Variants in PCDHA1 observed in about 807,000 individuals in gnomAD.
The protein encoded by PCDHA1 is protocadherin alpha 1.
PCDHA1 carries 42 observed loss-of-function variants against 61.3 expected under a neutral mutation model. The ratio of observed to expected loss-of-function variants is 0.69; its 90% confidence interval spans 0.54 to 0.89. The LOEUF (loss-of-function observed/expected upper bound fraction) is 0.89. PCDHA1 is among the 40% of genes least tolerant of loss of function. The probability of loss-of-function intolerance (pLI) is 0.00; values close to 1 mark genes in which losing one functional copy is unlikely to be tolerated. For synonymous variants in PCDHA1, 610 were observed against 553.8 expected, an observed-to-expected ratio of 1.10 and a Z score of -1.43; for missense variants, 1,256 against 1,235.3, an observed-to-expected ratio of 1.02 and a Z score of -0.25.
At chr5:140,896,071 A>G (rs551803461) in intron 1 of PCDHA1, among the ~76,000 whole-genome samples, 1 of 152,248 alleles carries the variant, frequency 6.6e-6, no homozygotes, top group African/African-American at 2.4e-5. Context: ...TCGGCCTCCC[A>G]ACATGCTGGG....
At chr5:140,941,603 T>C (rs116946105) in intron 1 of PCDHA1, among the ~76,000 whole-genome samples, 1 of 152,024 alleles carries the variant, frequency 6.6e-6, no homozygotes, top group East Asian at 1.9e-4. Flanking sequence ...CCATGAGCCA[T>C]GGTGCCCAGC....
intron 1 of PCDHA1, among the ~76,000 whole-genome samples, chr5:140,938,945 T>A (rs1390189208): frequency 6.6e-6 from 1 of 152,154 alleles, no homozygotes; most frequent in African/African-American, 2.4e-5. Context: ...TCCATTCTTA[T>A]AATGCTCTAG....
At chr5:140,862,596 G>A (rs543851067) in intron 1 of PCDHA1, 2 of 510,824 alleles carry the variant, frequency 3.9e-6, no homozygotes, top group East Asian at 1.0e-4. Flanking sequence ...CCGAGTACAT[G>A]GTGTTCGTGA....
intron 1 of PCDHA1, chr5:140,835,375 C>A (rs2150234654): frequency 1.9e-6 from 3 of 1,613,974 alleles, no homozygotes; most frequent in South Asian, 1.1e-5. Context: ...CCACCCCTGG[C>A]TGGTCATTGT....
intron 1 of PCDHA1, among the ~76,000 whole-genome samples, chr5:140,941,550 C>T (rs1489599221): frequency 6.6e-6 from 1 of 151,776 alleles, no homozygotes; most frequent in Non-Finnish European, 1.5e-5. Flanking sequence ...CTCCTGACCT[C>T]GTGATCCATT....
rs1554262229 is a variant in PCDHA1, at chr5:141,009,613, G to A, written c.2543-14G>A. ...GTTGACCCTGTTAATGATTTGTAATGTTTTGTCTTTCAGAACCAGAGGCAG... is the reference window on the plus strand; with the variant it reads ...GTTGACCCTGTTAATGATTTGTAATATTTTGTCTTTCAGAACCAGAGGCAG... On this transcript the variant is annotated splice_polypyrimidine_tract_variant and intron_variant, in intron 3 of 3. Coordinates refer to ENST00000504120, the MANE Select transcript of PCDHA1 (RefSeq NM_018900.4). The A allele has an allele frequency of 6.2e-7, 1 of 1,611,932 alleles. No individual in the cohort carries two copies. Among genetic ancestry groups the A allele is most frequent in the Non-Finnish European group, 8.5e-7 (1 of 1,178,618 alleles).
intron 1 of PCDHA1, among the ~76,000 whole-genome samples, chr5:140,820,991 T>C (rs1172948656): frequency 6.6e-5 from 10 of 152,194 alleles, no homozygotes; most frequent in African/African-American, 2.4e-4. Context: ...GTGTTATAGA[T>C]AAAGAAATAG....
rs148357054 is a variant in PCDHA1, at chr5:140,862,194, A to G, written c.2394+73510A>G. On this transcript the variant is annotated intron_variant, in intron 1 of 3. Coordinates refer to ENST00000504120, the MANE Select transcript of PCDHA1 (RefSeq NM_018900.4). ...GGCAGTTGACACAGGCAATTCCCCA[A>G]TGTTTGATCACTGCACAGACTTGAT... The G allele has an allele frequency of 5.4e-3, 909 of 167,816 alleles. 8 individuals are homozygous for G. The highest frequency in any genetic ancestry group is 8.4e-3 in the South Asian group (55 of 6,516). The allele number at this position is 167,816 out of a possible 1,614,324, so 10.4% of individuals were successfully genotyped here.
At chr5:140,855,899 C>A in intron 1 of PCDHA1, 1 of 1,074,020 alleles carries the variant, frequency 9.3e-7, no homozygotes, top group Non-Finnish European at 1.3e-6. Flanking sequence ...AAGGCATCAG[C>A]CAGTTTCTCA....
At chr5:140,840,874 T>C (rs1776919998) in intron 1 of PCDHA1, among the ~76,000 whole-genome samples, 1 of 152,016 alleles carries the variant, frequency 6.6e-6, no homozygotes, top group Non-Finnish European at 1.5e-5. Context: ...GAGGACAGTT[T>C]ACATTTCTGA....
Position 140,788,154 on chromosome 5 carries a change from T to C in PCDHA1, c.1864T>C (p.Phe622Leu), listed in dbSNP as rs2149897325. The C allele has an allele frequency of 1.9e-6, 3 of 1,614,018 alleles. No homozygotes were observed. The highest frequency in any genetic ancestry group is 3.3e-4 in the Middle Eastern group (2 of 6,062). ...QPAAGGARIP[F>L]RVGLYTGEIS... is the part of the protein sequence containing the mutation. The stretch of plus-strand genomic sequence containing the variant: ...GGCAGCAGGCGGCGCGCGCATCCCG[T>C]TCCGCGTGGGGCTGTACACGGGCGA... The change falls in exon 1 of 4, where the codon TTC (phenylalanine) becomes CTC (leucine). Residue 622 changes from phenylalanine to leucine, a missense_variant. By Grantham distance (22) the Phe-to-Leu change is conservative. Transcript: ENST00000504120.
At chr5:140,818,416 A>G (rs1766351066) in intron 1 of PCDHA1, among the ~76,000 whole-genome samples, 1 of 152,192 alleles carries the variant, frequency 6.6e-6, no homozygotes, top group African/African-American at 2.4e-5. Context: ...TTCCTTTTTA[A>G]AAATATATTT....
rs565763627 is a variant in PCDHA1, at chr5:140,989,336, C to G, written c.2542+6773C>G. ...GTCTCACCAACTTTGCCACCTGACT[C>G]AGCTCAAAGGTGATAGGTCACCTGT... is the stretch of plus-strand genomic sequence containing the variant. On this transcript the variant is annotated intron_variant, in intron 3 of 3. Transcript: ENST00000504120. Among the ~76,000 whole-genome samples, 6 of 152,272 alleles carry G rather than the reference C, an allele frequency of 3.9e-5. 1 individual carries two copies. In the South Asian group the frequency reaches 1.0e-3, roughly 26 times the overall value.
Position 140,788,399 on chromosome 5 carries a change from C to T in PCDHA1, c.2109C>T (p.Ala703=). 3 of 1,614,094 alleles carry T rather than the reference C, an allele frequency of 1.9e-6. No individual in the cohort carries two copies. The highest frequency in any genetic ancestry group is 2.5e-6 in the Non-Finnish European group (3 of 1,179,980). ...ATGTCAACGTGTACCTGATCATCGC[C>T]ATCTGCGCGGTGTCCAGCCTGCTGG... ...LVDVNVYLII[A]ICAVSSLLVL... Residue 703 remains alanine, a synonymous_variant, in exon 1 of 4, where the codon GCC becomes GCT. Coordinates refer to ENST00000504120, the MANE Select transcript of PCDHA1 (RefSeq NM_018900.4).
At chr5:140,797,236 G>C in intron 1 of PCDHA1, 1 of 1,614,194 alleles carries the variant, frequency 6.2e-7, no homozygotes, top group Non-Finnish European at 8.5e-7. Context: ...GCGGCAGAGG[G>C]TGTGCTCTGG....
At chr5:140,993,107 A>G (rs2097540621) in intron 3 of PCDHA1, among the ~76,000 whole-genome samples, 1 of 152,218 alleles carries the variant, frequency 6.6e-6, no homozygotes, top group South Asian at 2.1e-4. Context: ...TTCAGCGGTC[A>G]GTGTCACATC....
chr5:140,967,324 G>A, intron 1 of PCDHA1: 4 of 1,609,186 alleles, frequency 2.5e-6, no homozygotes, highest in Non-Finnish European at 3.4e-6. Context: ...AGACCTACGA[G>A]CTCAGCCCCA....
chr5:140,881,409 A>G (rs2153379419), intron 1 of PCDHA1: 1 of 950,550 alleles, frequency 1.1e-6, no homozygotes, highest in East Asian at 1.2e-4. Context: ...TTAAATCAAT[A>G]GGATATTAGT....
intron 1 of PCDHA1, chr5:140,876,227 C>T (rs782218758): frequency 2.5e-6 from 4 of 1,613,794 alleles, no homozygotes; most frequent in South Asian, 2.2e-5. Flanking sequence ...GTAGTGTTGT[C>T]TGAAAATGTC....
Sources: gnomAD v4.1 joint callset for allele counts (sites outside exome capture counted in the v4.1 genomes callset) on GRCh38, gnomAD v4.1.1 for gene constraint, MANE v1.5 for transcripts, NCBI Gene and HGNC (gene_info 2026-07-23, HGNC 2026-07-21) for gene names.